The following NTRK1 variants were observed in gnomAD, a reference collection of about 807,000 sequenced individuals.
NTRK1 encodes the protein high affinity nerve growth factor receptor.
Under a neutral mutation model 86.8 loss-of-function variants are expected in NTRK1, and 62 were observed. That is an observed-to-expected ratio of 0.71 (90% CI 0.58 to 0.88). The LOEUF is 0.88. Among genes scored for constraint, NTRK1 ranks in the 40% least tolerant of loss-of-function variants. The pLI is 0.00. For missense variants in NTRK1, 967 were observed against 1,078.4 expected (o/e 0.90, Z 1.45); for synonymous variants, 469 against 456.6 (o/e 1.03, Z -0.35).
chr1:156,837,551 T>G (rs996380267), intron 1 of NTRK1, among the ~76,000 whole-genome samples: 2 of 151,880 alleles, frequency 1.3e-5, no homozygotes. Context: ...GGACAGGGAG[T>G]GTCAGTACTT....
intron 2 of NTRK1, chr1:156,844,402 G>A: frequency 1.9e-6 from 3 of 1,584,344 alleles, no homozygotes; most frequent in Non-Finnish European, 2.6e-6. Flanking sequence ...GGCCTGTGGT[G>A]GGCTGGGGAC....
At chr1:156,841,338 T>C in intron 1 of NTRK1, 1 of 1,031,794 alleles carries the variant, frequency 9.7e-7, no homozygotes, top group Non-Finnish European at 1.3e-6. Flanking sequence ...TGGGGCCGGG[T>C]GGGGGAGGGT....
At chr1:156,821,814 C>G (rs1654199202) in intron 1 of NTRK1, among the ~76,000 whole-genome samples, 1 of 152,160 alleles carries the variant, frequency 6.6e-6, no homozygotes, top group Non-Finnish European at 1.5e-5. Context: ...TTTATCTGCC[C>G]AACTCCCTGG....
At chr1:156,832,749 G>T (rs1479338215) in intron 1 of NTRK1, among the ~76,000 whole-genome samples, 1 of 152,196 alleles carries the variant, frequency 6.6e-6, no homozygotes. Context: ...CAGCAGGGAA[G>T]CATCGAGATC....
chr1:156,842,984 T>C, intron 2 of NTRK1: 1 of 1,576,730 alleles, frequency 6.3e-7, no homozygotes, highest in Non-Finnish European at 8.7e-7. Context: ...ACCCTGACAA[T>C]GCCCTTGGCT....
intron 1 of NTRK1, among the ~76,000 whole-genome samples, chr1:156,826,683 C>T (rs577621206): frequency 6.6e-5 from 10 of 152,328 alleles, no homozygotes; most frequent in African/African-American, 2.4e-4. Flanking sequence ...TTTCTAACCA[C>T]CAGCCCAAAC....
At chr1:156,865,917 C>T (rs989391392) in intron 3 of NTRK1, among the ~76,000 whole-genome samples, 2 of 152,206 alleles carry the variant, frequency 1.3e-5, no homozygotes, top group African/African-American at 2.4e-5. Context: ...GTCATATCAC[C>T]GTCTATGCAC....
chr1:156,836,851 T>C (rs1364199111), intron 1 of NTRK1, among the ~76,000 whole-genome samples: 1 of 151,950 alleles, frequency 6.6e-6, no homozygotes, highest in East Asian at 1.9e-4. Context: ...ATGAGGAGCA[T>C]ATCTAAGCTG....
intron 2 of NTRK1, chr1:156,845,078 T>A: frequency 6.2e-7 from 1 of 1,605,492 alleles, no homozygotes; most frequent in South Asian, 1.1e-5. Context: ...TCACCTACTG[T>A]GGGGCATGGT....
chr1:156,878,870 A>C (rs969441290), intron 14 of NTRK1, among the ~76,000 whole-genome samples: 11 of 151,988 alleles, frequency 7.2e-5, no homozygotes, highest in African/African-American at 2.4e-4. Context: ...CTGGAGTTCA[A>C]GGAGCTGCCA....
intron 1 of NTRK1, 48 bp from the exon 2 acceptor site, chr1:156,864,306 C>T: frequency 6.3e-7 from 1 of 1,596,080 alleles, no homozygotes; most frequent in Non-Finnish European, 8.6e-7. Context: ...GGCATGGGAA[C>T]TCAAGTGTGG....
At chr1:156,824,899 C>CT (rs1297622552) in intron 1 of NTRK1, among the ~76,000 whole-genome samples, 3 of 151,900 alleles carry the variant, frequency 2.0e-5, no homozygotes, top group South Asian at 2.1e-4. Context: ...ACCTTCCTTT[C>CT]TTTTTTTTGA....
At chr1:156,852,184 G>A in intron 2 of NTRK1, 1 of 1,595,194 alleles carries the variant, frequency 6.3e-7, no homozygotes, top group Non-Finnish European at 8.6e-7. Context: ...CATGGGGGCA[G>A]GGGCACACTG....
intron 4 of NTRK1, among the ~76,000 whole-genome samples, chr1:156,867,883 C>G (rs1431906025): frequency 6.7e-6 from 1 of 148,564 alleles, no homozygotes; most frequent in Non-Finnish European, 1.5e-5. Context: ...CTGTGTTAGC[C>G]AGGATGGTCT....
chr1:156,858,458 T>C, upstream of NTRK1: 18 of 1,029,006 alleles, frequency 1.7e-5, no homozygotes, highest in Non-Finnish European at 2.6e-5. Context: ...GGAGGTGCTG[T>C]GGCTGCAAGC....
chr1:156,873,360 C>T (rs567355435), intron 7 of NTRK1, among the ~76,000 whole-genome samples: 1 of 152,190 alleles, frequency 6.6e-6, no homozygotes, highest in Non-Finnish European at 1.5e-5. Context: ...ATACCCCACT[C>T]CTGTGGGGCT....
At chr1:156,845,746 T>G in intron 2 of NTRK1, 1 of 1,613,682 alleles carries the variant, frequency 6.2e-7, no homozygotes, top group Non-Finnish European at 8.5e-7. Context: ...TCGGACTCCA[T>G]CTCGGCCTCA....
intron 6 of NTRK1, among the ~76,000 whole-genome samples, chr1:156,868,998 C>T (rs1647358779): frequency 8.6e-6 from 1 of 115,794 alleles, no homozygotes; most frequent in Admixed American, 8.9e-5. Context: ...CCATCCCTCC[C>T]GTACATCACT....
intron 1 of NTRK1, among the ~76,000 whole-genome samples, chr1:156,833,596 CAT>C (rs1325006778): frequency 6.6e-6 from 1 of 151,910 alleles, no homozygotes; most frequent in African/African-American, 2.4e-5. Flanking sequence ...CAAGTGTAGA[CAT>C]GTGGTAGGTG....
Sources: allele counts gnomAD v4.1 joint callset (sites outside exome capture counted in the v4.1 genomes callset), GRCh38; gene constraint gnomAD v4.1.1; transcripts MANE v1.5; gene names NCBI Gene and HGNC (gene_info 2026-07-23, HGNC 2026-07-21).